PCDHGA8: variants seen among roughly 807,000 people sequenced by gnomAD.
The protein encoded by PCDHGA8 is protocadherin gamma subfamily A, 8.
Under a neutral mutation model 59.2 loss-of-function variants are expected in PCDHGA8, and 45 were observed. The observed-to-expected ratio is 0.76, with a 90% CI of 0.60 to 0.98. PCDHGA8 has a LOEUF of 0.98. Among genes scored for constraint, PCDHGA8 ranks in the 50% least tolerant of loss-of-function variants. PCDHGA8 has a pLI of 0.00. For missense variants in PCDHGA8, 1,257 were observed against 1,196.2 expected, an observed-to-expected ratio of 1.05 and a Z score of -0.75; for synonymous variants, 531 against 519.0, an observed-to-expected ratio of 1.02 and a Z score of -0.32.
chr5:141,419,540 C>A (rs999461892), intron 1 of PCDHGA8: 4 of 1,612,018 alleles, frequency 2.5e-6, no homozygotes. Flanking sequence ...CAACGCACCG[C>A]GGGTGCTGTA....
chr5:141,421,863 C>T (rs767555107), intron 1 of PCDHGA8: 1 of 1,613,746 alleles, frequency 6.2e-7, no homozygotes, highest in Non-Finnish European at 8.5e-7. Flanking sequence ...ACCTGCTCCT[C>T]CTCACAGCTT....
At chr5:141,506,444 CAAAA>C (rs1219684339) in intron 3 of PCDHGA8, among the ~76,000 whole-genome samples, 5 of 95,022 alleles carry the variant, frequency 5.3e-5, no homozygotes, top group Admixed American at 1.1e-4. Context: ...CGCTCTGTCT[CAAAA>C]AAAAAAAAAA....
intron 1 of PCDHGA8, among the ~76,000 whole-genome samples, chr5:141,446,322 C>A (rs1561922470): frequency 2.0e-5 from 3 of 151,968 alleles, no homozygotes; most frequent in South Asian, 4.1e-4. Flanking sequence ...TGGGTTTCCA[C>A]ATTAAGGAAC....
intron 1 of PCDHGA8, among the ~76,000 whole-genome samples, chr5:141,434,021 C>A (rs1023145172): frequency 2.0e-5 from 3 of 152,052 alleles, no homozygotes; most frequent in Admixed American, 2.0e-4. Context: ...TTCTATGATT[C>A]TGGAAGCATG....
chr5:141,466,822 G>A (rs1396286898), intron 1 of PCDHGA8, among the ~76,000 whole-genome samples: 4 of 152,046 alleles, frequency 2.6e-5, no homozygotes. Flanking sequence ...GGTATAACAA[G>A]TTAGTATGGG....
Position 141,487,613 on chromosome 5 carries a change from G to C in PCDHGA8, c.2425-7194G>C, listed in dbSNP as rs1460090760. 1 of 1,614,218 alleles carries C rather than the reference G, an allele frequency of 6.2e-7. No homozygotes were observed. ...ACCCTCTGATCTTCTCTATGGGCTA[G>C]AGGTGAGACCTTTGCAGGCTCAACA... On this transcript the variant is annotated intron_variant, in intron 1 of 3. Coordinates refer to ENST00000398604, the MANE Select transcript of PCDHGA8 (RefSeq NM_032088.2). The surrounding 1 kb of genome is among the most constrained non-coding windows in gnomAD (Gnocchi z 5.0).
rs754433753 is a variant in PCDHGA8 at position 141,399,914 on chromosome 5, A to G, written c.2424+4677A>G. On this transcript the variant is annotated intron_variant, in intron 1 of 3. Transcript: ENST00000398604. ...GTGGCCGTGGACGCAGACTCAGGACACAACGCCTGGCTGTCCTACCACGTG... is the reference window on the plus strand; with the variant it reads ...GTGGCCGTGGACGCAGACTCAGGACGCAACGCCTGGCTGTCCTACCACGTG... The G allele has an allele frequency of 2.7e-5, 44 of 1,612,236 alleles. No homozygotes were observed. In the Admixed American group the frequency reaches 7.3e-4, roughly 27 times the overall value.
In PCDHGA8 at chr5:141,489,633, T is replaced by C. The variant is rs1298084961; in HGVS notation, c.2425-5174T>C. On this transcript the variant is annotated intron_variant, in intron 1 of 3. Coordinates refer to ENST00000398604, the MANE Select transcript of PCDHGA8 (RefSeq NM_032088.2). The surrounding 1 kb of genome is among the most constrained non-coding windows in gnomAD (Gnocchi z 4.5). ...TCCTGGATCTCAATGACAACTCTCC[T>C]AGCTTTGCCACCCCTGAGCGAGAGA... The C allele has an allele frequency of 6.2e-7, 1 of 1,614,160 alleles. No individual in the cohort carries two copies. Among genetic ancestry groups the C allele is most frequent in the South Asian group, 1.1e-5 (1 of 91,086 alleles).
intron 1 of PCDHGA8, among the ~76,000 whole-genome samples, chr5:141,437,390 A>T (rs1422429346): frequency 6.6e-6 from 1 of 152,248 alleles, no homozygotes; most frequent in Non-Finnish European, 1.5e-5. Flanking sequence ...ACATTCATCC[A>T]CTGCTTTCAT....
intron 1 of PCDHGA8, chr5:141,398,636 A>G (rs770681129): frequency 6.2e-7 from 1 of 1,614,074 alleles, no homozygotes; most frequent in Non-Finnish European, 8.5e-7. Context: ...CTGCAGAAGT[A>G]TAAACTCTCT....
chr5:141,445,623 A>G (rs2098472971), intron 1 of PCDHGA8, among the ~76,000 whole-genome samples: 1 of 152,172 alleles, frequency 6.6e-6, no homozygotes, highest in South Asian at 2.1e-4. Flanking sequence ...TTTTTTTCGG[A>G]AAGTGATATT....
In PCDHGA8 at chr5:141,395,079, G is replaced by C; in HGVS notation, c.2266G>C (p.Glu756Gln). 1 of 1,614,142 alleles carries C rather than the reference G, an allele frequency of 6.2e-7. No homozygotes were observed. Among genetic ancestry groups the C allele is most frequent in the Non-Finnish European group, 8.5e-7 (1 of 1,180,044 alleles). Residue 756 changes from glutamate (E) to glutamine (Q), a missense_variant, in exon 1 of 4, where the codon GAA becomes CAA. Transcript: ENST00000398604. ...VQAFLQTYSQ[E>Q]VSLTADSRKS... Reference sequence around the variant, plus strand: ...GGCTTTCCTGCAGACCTATTCCCAGGAAGTCTCCCTCACCGCCGACTCGCG... The same window carrying C: ...GGCTTTCCTGCAGACCTATTCCCAGCAAGTCTCCCTCACCGCCGACTCGCG...
In PCDHGA8 at chr5:141,487,938, G is replaced by A; in HGVS notation, c.2425-6869G>A. ...GAGGCTACAGTGCACAGGGTACAGT[G>A]CACCAGGCAGTCACTTGGACAAAGG... is the stretch of plus-strand genomic sequence containing the variant. On this transcript the variant is annotated intron_variant, in intron 1 of 3. Coordinates refer to ENST00000398604, the MANE Select transcript of PCDHGA8 (RefSeq NM_032088.2). This position sits in a 1 kb window ranked among gnomAD's most constrained non-coding sequence, Gnocchi z 5.0. 1.7e-6 allele frequency: 1 copy of A among 600,308 alleles called. No homozygotes were observed. The highest frequency in any genetic ancestry group is 2.9e-6 in the Non-Finnish European group (1 of 342,970). 37.2% of individuals were successfully genotyped at this position (600,308 alleles called of 1,614,324 possible).
chr5:141,438,165 G>GA (rs1252266607), intron 1 of PCDHGA8, among the ~76,000 whole-genome samples: 2 of 152,076 alleles, frequency 1.3e-5, no homozygotes, highest in East Asian at 3.8e-4. Flanking sequence ...AAGCTAATTG[G>GA]AAAAAATATT....
At chr5:141,434,535 A>G (rs939961995) in intron 1 of PCDHGA8, among the ~76,000 whole-genome samples, 1 of 152,230 alleles carries the variant, frequency 6.6e-6, no homozygotes, top group African/African-American at 2.4e-5. Flanking sequence ...ACCACAAACA[A>G]TAGCATGAGT....
At position 141,431,307 on chromosome 5, in the gene PCDHGA8, A is replaced by G. The variant is rs1332508283; in HGVS notation, c.2424+36070A>G. On this transcript the variant is annotated intron_variant, in intron 1 of 3. Transcript: ENST00000398604. This position sits in a 1 kb window ranked among gnomAD's most constrained non-coding sequence, Gnocchi z 4.8. ...AACACTCACTTCTCCCTCATCGTGC[A>G]AAATGGAGCCGACGGTAGTAAGTAC... 3.7e-6 allele frequency: 6 copies of G among 1,614,002 alleles called. No homozygotes were observed. The African/African-American group carries it at 4.0e-5, about 11-fold the overall frequency.
At chr5:141,428,003 C>T in intron 1 of PCDHGA8, 1 of 1,601,362 alleles carries the variant, frequency 6.2e-7, no homozygotes, top group East Asian at 2.2e-5. Flanking sequence ...CCGCACTCTT[C>T]GATATAGTGC....
chr5:141,472,994 AAAAG>A (rs1425445230), intron 1 of PCDHGA8, among the ~76,000 whole-genome samples: 7 of 151,692 alleles, frequency 4.6e-5, no homozygotes, highest in African/African-American at 1.7e-4. Context: ...AAAAAAAAAA[AAAAG>A]AAAGAAAAAG....
chr5:141,481,182 G>T (rs2099533183), intron 1 of PCDHGA8, among the ~76,000 whole-genome samples: 1 of 152,180 alleles, frequency 6.6e-6, no homozygotes, highest in Non-Finnish European at 1.5e-5. Flanking sequence ...AGCTTTATTG[G>T]GCCAGGCCCA....
Sources: gnomAD v4.1 joint callset for allele counts (sites outside exome capture counted in the v4.1 genomes callset) on GRCh38, gnomAD v4.1.1 for gene constraint, Gnocchi (gnomAD v3.1) non-coding constraint, MANE v1.5 for transcripts, NCBI Gene and HGNC (gene_info 2026-07-23, HGNC 2026-07-21) for gene names.